NPR1: variants seen among roughly 807,000 people sequenced by gnomAD.
The protein encoded by NPR1 is natriuretic peptide receptor 1, also known as atrial natriuretic peptide receptor 1.
In NPR1, 57 loss-of-function variants were observed where a neutral mutation model predicts 116.9. The observed-to-expected ratio is 0.49, with a 90% CI of 0.39 to 0.61. NPR1 has a LOEUF of 0.61. Ranked by LOEUF, NPR1 falls within the 20% of genes least tolerant of loss-of-function variation. NPR1 has a pLI of 0.00. For synonymous variants in NPR1, 555 were observed against 601.6 expected (o/e 0.92, Z 1.13); for missense variants, 1,096 against 1,409.8 (o/e 0.78, Z 3.56).
chr1:153,685,228 T>C lies in NPR1; in HGVS notation c.1605+144T>C, dbSNP rs1422513558. ...GTGACCTTGAGCGACTCATAGTCCC[T>C]CTCCGAGACTGTCTCAGATGATGAT... On this transcript the variant is annotated intron_variant, in intron 8 of 21. Transcript: ENST00000368680. 75 of 1,121,038 alleles carry C rather than the reference T, an allele frequency of 6.7e-5. No individual in the cohort carries two copies. The South Asian group carries it at 1.1e-3, about 16-fold the overall frequency. 69.4% of individuals were successfully genotyped at this position (1,121,038 alleles called of 1,614,324 possible).
In NPR1 at chr1:153,688,035, T is replaced by A; in HGVS notation, c.2249-18T>A. 6.5e-7 allele frequency: 1 copy of A among 1,547,830 alleles called. No homozygotes were observed. Among genetic ancestry groups the A allele is most frequent in the Non-Finnish European group, 8.8e-7 (1 of 1,141,522 alleles). Reference sequence around the variant, plus strand: ...TTGGCCAGCCCCACCCCTCAGCTCCTCTACCCCCCCAATACAGAGATCATC... The same window carrying A: ...TTGGCCAGCCCCACCCCTCAGCTCCACTACCCCCCCAATACAGAGATCATC... On this transcript the variant is annotated intron_variant, in intron 14 of 21. Transcript: ENST00000368680.
rs938044592 is a variant in NPR1, at chr1:153,681,752, C to T, written c.1084C>T (p.Gln362Ter). ...SFHDGLLLYI[Q>*]AVTETLAHGG... ...CCACGACGGGCTCCTGCTCTATATC[C>T]AGGCAGTGACGGAGACTCTGGCACA... The change falls in exon 4 of 22, where the codon CAG (glutamine) becomes TAG (stop). Residue 362 changes from glutamine (Q) to a stop codon, truncating the protein, a stop_gained. Coordinates refer to ENST00000368680, the MANE Select transcript of NPR1 (RefSeq NM_000906.4). LOFTEE classifies it high-confidence loss of function. 6.2e-7 allele frequency: 1 copy of T among 1,614,046 alleles called. No individual in the cohort carries two copies. The highest frequency in any genetic ancestry group is 8.5e-7 in the Non-Finnish European group (1 of 1,180,008).
At position 153,679,789 on chromosome 1, in the gene NPR1, C is replaced by T. The variant is rs1402689490; in HGVS notation, c.681C>T (p.His227=). ...HLEFAEDDLS[H]YTRLLRTMPR... ...AGTTCGCCGAGGACGACCTCAGCCA[C>T]TACACCAGGCTGCTGCGGACCATGC... Residue 227 remains histidine (H), a synonymous_variant, in exon 1 of 22, where the codon CAC becomes CAT. Transcript: ENST00000368680. The surrounding 1 kb of genome is among the most constrained non-coding windows in gnomAD (Gnocchi z 4.2). The T allele has an allele frequency of 1.3e-6, 2 of 1,552,794 alleles. No homozygotes were observed. The highest frequency in any genetic ancestry group is 1.7e-6 in the Non-Finnish European group (2 of 1,153,322).
Position 153,679,370 on chromosome 1 carries a change from G to A in NPR1, c.262G>A (p.Ala88Thr), listed in dbSNP as rs949074010. 3.2e-6 allele frequency: 5 copies of A among 1,539,700 alleles called. No homozygotes were observed. In the Admixed American group the frequency reaches 9.7e-5, roughly 30 times the overall value. Residue 88 changes from alanine to threonine, a missense_variant, in exon 1 of 22, where the codon GCG becomes ACG. Physicochemically the swap from Ala to Thr is moderately conservative, Grantham distance 58. Coordinates refer to ENST00000368680, the MANE Select transcript of NPR1 (RefSeq NM_000906.4). This position sits in a 1 kb window ranked among gnomAD's most constrained non-coding sequence, Gnocchi z 4.2. ...VRTVLGSSEN[A>T]LGVCSDTAAP... ...CACGGTGCTGGGCAGCAGCGAAAAC[G>A]CGCTGGGCGTCTGCTCCGACACCGC...
In NPR1 at chr1:153,678,735, C is replaced by A. The variant is rs1343571582; in HGVS notation, c.-374C>A. On this transcript the variant is annotated 5_prime_UTR_variant, in exon 1 of 22. Transcript: ENST00000368680. This position sits in a 1 kb window ranked among gnomAD's most constrained non-coding sequence, Gnocchi z 5.8. Reference sequence around the variant, plus strand: ...ACGCACGCTACAAACACACACTCCTCTTTCCTCCCTCGCGCGCCCTCTCTC... The same window carrying A: ...ACGCACGCTACAAACACACACTCCTATTTCCTCCCTCGCGCGCCCTCTCTC... The A allele has an allele frequency of 2.3e-5, 6 of 258,302 alleles. No individual in the cohort carries two copies. Among genetic ancestry groups the A allele is most frequent in the Non-Finnish European group, 3.6e-5 (5 of 137,630 alleles). 16.0% of individuals were successfully genotyped at this position (258,302 alleles called of 1,614,324 possible). A position where few individuals can be genotyped will look rare whatever the true frequency, so the allele number is the denominator to read the frequency against.
Position 153,679,631 on chromosome 1 carries a change from C to T in NPR1, c.523C>T (p.Arg175Trp), listed in dbSNP as rs145002753. ...GGACTTCGTGGCGGCGCTGCACCGA[C>T]GGCTGGGCTGGGAGCGCCAAGCGCT... ...LGDFVAALHR[R>W]LGWERQALML... Residue 175 changes from arginine to tryptophan, a missense_variant, in exon 1 of 22, where the codon CGG becomes TGG. Arg to Trp is a moderately radical substitution (Grantham distance 101, BLOSUM62 -3). Coordinates refer to ENST00000368680, the MANE Select transcript of NPR1 (RefSeq NM_000906.4). The surrounding 1 kb of genome is among the most constrained non-coding windows in gnomAD (Gnocchi z 4.2). 1 of 1,596,276 alleles carries T rather than the reference C, an allele frequency of 6.3e-7. No homozygotes were observed. Among genetic ancestry groups the T allele is most frequent in the Non-Finnish European group, 8.5e-7 (1 of 1,173,998 alleles).
intron 3 of NPR1, 73 bp from the exon 4 acceptor site, chr1:153,681,631 T>C: frequency 1.3e-6 from 2 of 1,545,152 alleles, no homozygotes; most frequent in Non-Finnish European, 8.8e-7. Context: ...GTGCCTCTTG[T>C]TCCCTTCCCC....
chr1:153,679,808 A>C lies in NPR1; in HGVS notation c.700A>C (p.Thr234Pro), dbSNP rs1409495523. Residue 234 changes from threonine to proline, a missense_variant, in exon 1 of 22, where the codon ACC becomes CCC. Transcript: ENST00000368680. The surrounding 1 kb of genome is among the most constrained non-coding windows in gnomAD (Gnocchi z 4.2). ...DLSHYTRLLR[T>P]MPRKGRVIYI... ...CAGCCACTACACCAGGCTGCTGCGGACCATGCCGCGCAAAGGCCGAGGTGA... is the reference window on the plus strand; with the variant it reads ...CAGCCACTACACCAGGCTGCTGCGGCCCATGCCGCGCAAAGGCCGAGGTGA... 1 of 1,543,852 alleles carries C rather than the reference A, an allele frequency of 6.5e-7. No homozygotes were observed. The highest frequency in any genetic ancestry group is 8.7e-7 in the Non-Finnish European group (1 of 1,149,168).
rs757520195 is a variant in NPR1, at chr1:153,686,755, G to T, written c.1863+5G>T. 24 of 1,610,592 alleles carry T rather than the reference G, an allele frequency of 1.5e-5. No individual in the cohort carries two copies. Among genetic ancestry groups the T allele is most frequent in the Admixed American group, 1.7e-5 (1 of 59,666 alleles). Reference sequence around the variant, plus strand: ...TGTCCCCGTGGGAGCCTGCAGGTGAGGGGGACAAGGGGTGTCAAGAAACCT... The same window carrying T: ...TGTCCCCGTGGGAGCCTGCAGGTGATGGGGACAAGGGGTGTCAAGAAACCT... On this transcript the variant is annotated splice_donor_5th_base_variant and intron_variant, in intron 11 of 21. Transcript: ENST00000368680.
In NPR1 at chr1:153,681,261, G is replaced by A. The variant is rs754239714; in HGVS notation, c.1003G>A (p.Glu335Lys). 1.2e-5 allele frequency: 19 copies of A among 1,612,816 alleles called. No individual in the cohort carries two copies. The highest frequency in any genetic ancestry group is 1.5e-5 in the Non-Finnish European group (18 of 1,179,098). ...FLKQLKHLAY[E>K]QFNFTMEDGL... Reference sequence around the variant, plus strand: ...GAAGCAGTTAAAACACCTGGCCTATGAGCAGTTCAACTTCACCATGGAGGA... The same window carrying A: ...GAAGCAGTTAAAACACCTGGCCTATAAGCAGTTCAACTTCACCATGGAGGA... Residue 335 changes from glutamate to lysine, a missense_variant, in exon 3 of 22, where the codon GAG becomes AAG. Transcript: ENST00000368680.
chr1:153,680,871 G>A (rs1008563118), intron 2 of NPR1, 171 bp downstream of exon 2: 1 of 652,482 alleles, frequency 1.5e-6, no homozygotes, highest in Admixed American at 2.9e-5. Flanking sequence ...ATGCTCACTG[G>A]GAATTAGGCA....
Position 153,687,621 on chromosome 1 carries a change from C to T in NPR1, c.2093-13C>T. ...GCTCCCTCACTCGGTGACTACCGAC[C>T]TCTGACCCACAGAAAAGCTGTGGAC... is the stretch of plus-strand genomic sequence containing the variant. On this transcript the variant is annotated splice_polypyrimidine_tract_variant and intron_variant, in intron 13 of 21. Transcript: ENST00000368680. The T allele has an allele frequency of 1.9e-6, 3 of 1,571,870 alleles. No homozygotes were observed. Among genetic ancestry groups the T allele is most frequent in the Non-Finnish European group, 2.6e-6 (3 of 1,154,448 alleles).
chr1:153,689,305 C>A lies in NPR1; in HGVS notation c.2682C>A (p.Pro894=), dbSNP rs1374312485. 1 of 1,614,210 alleles carries A rather than the reference C, an allele frequency of 6.2e-7. No homozygotes were observed. The highest frequency in any genetic ancestry group is 1.7e-5 in the Admixed American group (1 of 60,024). The change falls in exon 17 of 22, where the codon CCC becomes CCA. Residue 894 remains proline, a synonymous_variant. Coordinates refer to ENST00000368680, the MANE Select transcript of NPR1 (RefSeq NM_000906.4). The surrounding 1 kb of genome is among the most constrained non-coding windows in gnomAD (Gnocchi z 5.1). ...CAGCGCTGTCGGCGGAGAGCACACCCATGCAGGTAGGCCAGGGTTCAGCCA... is the reference window on the plus strand; with the variant it reads ...CAGCGCTGTCGGCGGAGAGCACACCAATGCAGGTAGGCCAGGGTTCAGCCA... ...GFTALSAEST[P]MQVVTLLNDL...
In NPR1 at chr1:153,687,196, C is replaced by T; in HGVS notation, c.1936-4C>T. 6.2e-7 allele frequency: 1 copy of T among 1,614,104 alleles called. No individual in the cohort carries two copies. Among genetic ancestry groups the T allele is most frequent in the Non-Finnish European group, 8.5e-7 (1 of 1,179,966 alleles). ...CCAATACCTCTGCCCACTCACATTT[C>T]CAGGGCATGCTGTTTCTACACAATG... On this transcript the variant is annotated splice_polypyrimidine_tract_variant and splice_region_variant and intron_variant, in intron 12 of 21. Transcript: ENST00000368680.
chr1:153,687,501 G>A (rs780713783), intron 13 of NPR1, 133 bp from the exon 14 acceptor site: 5 of 1,476,492 alleles, frequency 3.4e-6, no homozygotes, highest in Non-Finnish European at 4.6e-6. Context: ...GCCAGACGAA[G>A]TGGTTTCTAA....
rs1571345866 is a variant in NPR1, at chr1:153,681,845, G to A, written c.1171+6G>A. 1 of 1,613,446 alleles carries A rather than the reference G, an allele frequency of 6.2e-7. No individual in the cohort carries two copies. The highest frequency in any genetic ancestry group is 8.5e-7 in the Non-Finnish European group (1 of 1,179,744). ...GTGGAACCGAAGCTTTCAAGGTCAG[G>A]GCCTGGAGGTGGCTGGAATGGGCTG... On this transcript the variant is annotated splice_donor_region_variant and intron_variant, in intron 4 of 21. Coordinates refer to ENST00000368680, the MANE Select transcript of NPR1 (RefSeq NM_000906.4).
rs1669709774 is a variant in NPR1 at position 153,679,736 on chromosome 1, C to A, written c.628C>A (p.Arg210Ser). The A allele has an allele frequency of 1.2e-6, 2 of 1,601,756 alleles. No homozygotes were observed. The highest frequency in any genetic ancestry group is 1.7e-6 in the Non-Finnish European group (2 of 1,176,916). ...GGGGCTGTTCATGCGGGTCCGCGAC[C>A]GCCTCAATATTACGGTGGACCACCT... ...VEGLFMRVRD[R>S]LNITVDHLEF... The change falls in exon 1 of 22, where the codon CGC (arginine) becomes AGC (serine). Residue 210 changes from arginine (R) to serine (S), a missense_variant. Coordinates refer to ENST00000368680, the MANE Select transcript of NPR1 (RefSeq NM_000906.4). This position sits in a 1 kb window ranked among gnomAD's most constrained non-coding sequence, Gnocchi z 4.2.
At position 153,693,774 on chromosome 1, in the gene NPR1, G is replaced by T. The variant is rs1281513451; in HGVS notation, c.*360G>T. 1 of 364,548 alleles carries T rather than the reference G, an allele frequency of 2.7e-6. No homozygotes were observed. The highest frequency in any genetic ancestry group is 2.1e-5 in the African/African-American group (1 of 47,720). 22.6% of individuals were successfully genotyped at this position (364,548 alleles called of 1,614,324 possible). ...GCTACCCTGTGACTTACTGGGAGGA[G>T]AAAGAGTCACCTGAAGGGGAACATG... On this transcript the variant is annotated 3_prime_UTR_variant, in exon 22 of 22. Coordinates refer to ENST00000368680, the MANE Select transcript of NPR1 (RefSeq NM_000906.4).
chr1:153,679,221 C>T lies in NPR1; in HGVS notation c.113C>T (p.Ala38Val), dbSNP rs1400441329. The T allele has an allele frequency of 4.6e-6, 7 of 1,523,684 alleles. No homozygotes were observed. The South Asian group carries it at 6.0e-5, about 13-fold the overall frequency. The allele number at this position is 1,523,684 out of a possible 1,614,324, so 94.4% of individuals were successfully genotyped here. ...AGCCACGCGGGCAACCTGACGGTAGCCGTGGTACTGCCGCTGGCCAATACC... is the reference window on the plus strand; with the variant it reads ...AGCCACGCGGGCAACCTGACGGTAGTCGTGGTACTGCCGCTGGCCAATACC... Reference protein sequence around the residue: ...RGSHAGNLTVAVVLPLANTSY... With the variant: ...RGSHAGNLTVVVVLPLANTSY... Residue 38 changes from alanine (A) to valine (V), a missense_variant, in exon 1 of 22, where the codon GCC becomes GTC. By Grantham distance (64) the Ala-to-Val change is moderately conservative. Coordinates refer to ENST00000368680, the MANE Select transcript of NPR1 (RefSeq NM_000906.4). This position sits in a 1 kb window ranked among gnomAD's most constrained non-coding sequence, Gnocchi z 4.2.
Sources: allele counts gnomAD v4.1 joint callset, GRCh38; gene constraint gnomAD v4.1.1; non-coding constraint Gnocchi (gnomAD v3.1); transcripts MANE v1.5; gene names NCBI Gene and HGNC (gene_info 2026-07-23, HGNC 2026-07-21).